GSE1: variants seen among roughly 807,000 people sequenced by gnomAD.
GSE1 encodes the protein Gse1 coiled-coil protein.
A neutral mutation model predicts 112.6 loss-of-function variants in GSE1; 32 were observed. That is an observed-to-expected ratio of 0.28 (90% CI 0.21 to 0.38). The LOEUF (loss-of-function observed/expected upper bound fraction) is 0.38. GSE1 is among the 10% of genes least tolerant of loss of function. The pLI is 1.00. For missense variants in GSE1, 2,348 were observed against 1,699.2 expected (o/e 1.38, Z -6.71); for synonymous variants, 1,115 against 735.6 (o/e 1.52, Z -8.35).
chr16:85,562,456 ACT>A (rs2045565626), intron 1 of GSE1, among the ~76,000 whole-genome samples: 1 of 151,108 alleles, frequency 6.6e-6, no homozygotes, highest in African/African-American at 2.4e-5. Flanking sequence ...CCCGCTGGAA[ACT>A]CTCTTCTTAT....
intron 1 of GSE1, among the ~76,000 whole-genome samples, chr16:85,238,124 A>G (rs1904849520): frequency 1.3e-5 from 2 of 151,990 alleles, no homozygotes; most frequent in Non-Finnish European, 1.5e-5. Context: ...GTGCTGTTGG[A>G]CCCAACACAG....
chr16:85,179,108 A>C lies in GSE1; in HGVS notation c.2283+7301A>C, dbSNP rs115125347. Among the ~76,000 whole-genome samples, 1,291 of 152,158 alleles carry C rather than the reference A, an allele frequency of 8.5e-3. 19 individuals are homozygous for C. The highest frequency in any genetic ancestry group is 0.029 in the African/African-American group (1,186 of 41,500). On this transcript the variant is annotated intron_variant, in intron 1 of 2. Transcript: ENST00000637419. ...ACCACCATGACTGTCCAGTTCCAGAACATTCCCATCACCCCCAAAGGACAC... is the reference window on the plus strand; with the variant it reads ...ACCACCATGACTGTCCAGTTCCAGACCATTCCCATCACCCCCAAAGGACAC...
At chr16:85,622,425 G>T (rs936386783) in intron 1 of GSE1, among the ~76,000 whole-genome samples, 1 of 152,186 alleles carries the variant, frequency 6.6e-6, no homozygotes, top group Non-Finnish European at 1.5e-5. Flanking sequence ...TCATATTGGG[G>T]AGGGTGTTCA....
rs1330241435 is a variant in GSE1, at chr16:85,246,374, G to A, written c.2283+74567G>A. On this transcript the variant is annotated intron_variant, in intron 1 of 2. Transcript: ENST00000637419. ...ACACACACACACACACACACCACAC[G>A]CTGTCTACACACACACCCCACACGC... Among the ~76,000 whole-genome samples the A allele has an allele frequency of 9.6e-5, 5 of 52,274 alleles. No individual in the cohort carries two copies. The East Asian group carries it at 1.4e-3, about 15-fold the overall frequency. The allele number at this position is 52,274 out of a possible 152,430, so 34.3% of individuals were successfully genotyped here.
chr16:85,206,356 C>T (rs71386902), intron 1 of GSE1, among the ~76,000 whole-genome samples: 3,499 of 152,268 alleles, frequency 0.023, 103 homozygotes, highest in East Asian at 0.12. Context: ...GATGGCCGGG[C>T]CACATCTGCC....
Position 85,220,200 on chromosome 16 carries a change from G to A in GSE1, c.2283+48393G>A, listed in dbSNP as rs137997762. On this transcript the variant is annotated intron_variant, in intron 1 of 2. Coordinates refer to the GSE1 transcript ENST00000637419. ...AGCAGCTCGGCGTTACCCCGCACCT[G>A]GGATTTCAAGAGCTCTTCCTGGTCC... 6.9e-3 allele frequency among the ~76,000 whole-genome samples: 1,051 copies of A among 152,352 alleles called. 17 individuals are homozygous for A. The highest frequency in any genetic ancestry group is 0.024 in the African/African-American group (992 of 41,584).
At chr16:85,609,442 T>G, upstream of GSE1, among the ~76,000 whole-genome samples, 1 of 152,168 alleles carries the variant, frequency 6.6e-6, no homozygotes, top group East Asian at 1.9e-4. Flanking sequence ...TTACTGGAAT[T>G]TTCAGTTTTG....
At chr16:85,249,729 C>G (rs1352758406) in intron 1 of GSE1, among the ~76,000 whole-genome samples, 1 of 152,226 alleles carries the variant, frequency 6.6e-6, no homozygotes, top group Non-Finnish European at 1.5e-5. Flanking sequence ...AGGGGGTGTT[C>G]TGGTAGCCCT....
In GSE1 at chr16:85,634,017, C is replaced by A. The variant is rs370372940; in HGVS notation, c.111C>A (p.Ala37=). Residue 37 remains alanine, a synonymous_variant, in exon 2 of 16, where the codon GCC becomes GCA. Coordinates refer to ENST00000253458, the MANE Select transcript of GSE1 (RefSeq NM_014615.5). ...NPLTPSPLNG[A]LVPSGSPATS... Reference sequence around the variant, plus strand: ...TCACCCCCTCGCCGCTCAATGGCGCCCTGGTGCCCAGCGGCAGCCCCGCCA... The same window carrying A: ...TCACCCCCTCGCCGCTCAATGGCGCACTGGTGCCCAGCGGCAGCCCCGCCA... The A allele has an allele frequency of 6.2e-7, 1 of 1,612,046 alleles. No homozygotes were observed. Among genetic ancestry groups the A allele is most frequent in the South Asian group, 1.1e-5 (1 of 90,960 alleles).
At chr16:85,640,367 C>G (rs933626037) in intron 2 of GSE1, among the ~76,000 whole-genome samples, 14 of 152,364 alleles carry the variant, frequency 9.2e-5, no homozygotes, top group African/African-American at 3.1e-4. Flanking sequence ...CACCCATAGC[C>G]CGGCTTGGGC....
intron 1 of GSE1, among the ~76,000 whole-genome samples, chr16:85,288,953 A>G (rs939373918): frequency 6.6e-6 from 1 of 152,154 alleles, no homozygotes; most frequent in Non-Finnish European, 1.5e-5. Flanking sequence ...AGGACACTGC[A>G]GGGAGGGGAG....
chr16:85,599,888 C>T (rs1241916537), intron 1 of GSE1, among the ~76,000 whole-genome samples: 1 of 152,176 alleles, frequency 6.6e-6, no homozygotes, highest in Admixed American at 6.5e-5. Flanking sequence ...AGAGACTTGC[C>T]ACCTGGAAGA....
In GSE1 at chr16:85,306,679, G is replaced by T. The variant is rs140140351; in HGVS notation, c.2284-50784G>T. ...TCCTCCCACCTCAGCCTCTTGAGTA[G>T]CTGGGACTATAGGCATGTGCCACCA... On this transcript the variant is annotated intron_variant, in intron 1 of 2. Transcript: ENST00000637419. 2.3e-3 allele frequency among the ~76,000 whole-genome samples: 354 copies of T among 152,274 alleles called. 3 individuals are homozygous for T. The highest frequency in any genetic ancestry group is 8.2e-3 in the African/African-American group (339 of 41,552).
At chr16:85,572,637 T>C (rs2046057805) in intron 1 of GSE1, among the ~76,000 whole-genome samples, 1 of 152,168 alleles carries the variant, frequency 6.6e-6, no homozygotes, top group Non-Finnish European at 1.5e-5. Flanking sequence ...ATGATGTGCC[T>C]GGGATGGGCT....
At chr16:85,565,386 C>G (rs2045697716) in intron 1 of GSE1, among the ~76,000 whole-genome samples, 1 of 146,026 alleles carries the variant, frequency 6.8e-6, no homozygotes, top group Non-Finnish European at 1.5e-5. Context: ...GCGAGTGAGA[C>G]TCTGTCTCAA....
At chr16:85,660,757 A>G (rs898647034) in intron 8 of GSE1, among the ~76,000 whole-genome samples, 2 of 151,690 alleles carry the variant, frequency 1.3e-5, no homozygotes, top group African/African-American at 4.8e-5. Context: ...CAGCCTCTGG[A>G]GTAGCTGGGA....
At chr16:85,301,472 A>C (rs1329310520) in intron 1 of GSE1, among the ~76,000 whole-genome samples, 1 of 152,196 alleles carries the variant, frequency 6.6e-6, no homozygotes, top group African/African-American at 2.4e-5. Flanking sequence ...CACCTGTGCA[A>C]GCCACACTTG....
rs1322967940 is a variant in GSE1 at position 85,270,447 on chromosome 16, G to C, written c.2284-87016G>C. Among the ~76,000 whole-genome samples, 4 of 149,108 alleles carry C rather than the reference G, an allele frequency of 2.7e-5. No individual in the cohort carries two copies. The South Asian group carries it at 8.4e-4, about 31-fold the overall frequency. On this transcript the variant is annotated intron_variant, in intron 1 of 2. Transcript: ENST00000637419. Reference sequence around the variant, plus strand: ...GTGACTCTCCGAGGACACAGCCCCTGTAGACATTCGGCACAGCAAGCCTGG... The same window carrying C: ...GTGACTCTCCGAGGACACAGCCCCTCTAGACATTCGGCACAGCAAGCCTGG...
intron 2 of GSE1, chr16:85,359,439 A>C: frequency 2.2e-6 from 1 of 455,924 alleles, no homozygotes; most frequent in Non-Finnish European, 4.4e-6. Flanking sequence ...TTTGGGGAGC[A>C]GGCCCACCCA....
Sources: gnomAD v4.1 joint callset for allele counts (sites outside exome capture counted in the v4.1 genomes callset) on GRCh38, gnomAD v4.1.1 for gene constraint, MANE v1.5 for transcripts, NCBI Gene and HGNC (gene_info 2026-07-23, HGNC 2026-07-21) for gene names.